PLCB1: variants seen among roughly 807,000 people sequenced by gnomAD.
The protein encoded by PLCB1 is 1-phosphatidylinositol 4,5-bisphosphate phosphodiesterase beta-1.
A neutral mutation model predicts 161.8 loss-of-function variants in PLCB1; 46 were observed. The ratio of observed to expected loss-of-function variants is 0.28; its 90% CI spans 0.22 to 0.36. The LOEUF (loss-of-function observed/expected upper bound fraction) is 0.36, where lower values mean the gene tolerates loss of function less well. Ranked by LOEUF, PLCB1 falls within the 10% of genes least tolerant of loss-of-function variation. The probability of loss-of-function intolerance (pLI) is 1.00; values close to 1 mark genes in which losing one functional copy is unlikely to be tolerated. For missense variants in PLCB1, 1,016 were observed against 1,472.5 expected, an observed-to-expected ratio of 0.69 and a Z score of 5.07; for synonymous variants, 517 against 503.7, an observed-to-expected ratio of 1.03 and a Z score of -0.35.
intron 2 of PLCB1, among the ~76,000 whole-genome samples, chr20:8,210,698 T>C (rs936187677): frequency 2.0e-5 from 3 of 152,082 alleles, no homozygotes; most frequent in Non-Finnish European, 2.9e-5. Flanking sequence ...ATCCTTGGAG[T>C]TGTAGTTTTA....
intron 3 of PLCB1, among the ~76,000 whole-genome samples, chr20:8,399,487 G>A (rs1978450424): frequency 6.6e-6 from 1 of 151,980 alleles, no homozygotes; most frequent in Non-Finnish European, 1.5e-5. Context: ...TGTTCAGTGT[G>A]TCTATTAATG....
intron 2 of PLCB1, among the ~76,000 whole-genome samples, chr20:8,232,223 AAAAG>A (rs1009404821): frequency 6.6e-5 from 9 of 137,060 alleles, no homozygotes; most frequent in Non-Finnish European, 1.1e-4. Flanking sequence ...ATCTCTTTAA[AAAAG>A]AGAGAGAGAG....
chr20:8,229,607 G>C (rs1401996182), intron 2 of PLCB1, among the ~76,000 whole-genome samples: 1 of 152,162 alleles, frequency 6.6e-6, no homozygotes, highest in Admixed American at 6.5e-5. Context: ...GGACATCACA[G>C]ATATGGAACA....
At chr20:8,141,401 A>G (rs967601375) in intron 1 of PLCB1, among the ~76,000 whole-genome samples, 2 of 152,260 alleles carry the variant, frequency 1.3e-5, no homozygotes, top group East Asian at 3.9e-4. Flanking sequence ...AGGCAGGTGG[A>G]TCACTTGAGG....
In PLCB1 at chr20:8,559,092, A is replaced by G. The variant is rs559841431; in HGVS notation, c.247-69202A>G. On this transcript the variant is annotated intron_variant, in intron 3 of 31. Transcript: ENST00000338037. ...GCTTGTAACCCCTCTTTTTTCTCAT[A>G]TGATTTAAAAGACAGATATATCAAA... is the stretch of plus-strand genomic sequence containing the variant. 3.6e-4 allele frequency among the ~76,000 whole-genome samples: 55 copies of G among 152,024 alleles called. 1 individual carries two copies. The highest frequency in any genetic ancestry group is 7.2e-4 in the Admixed American group (11 of 15,242).
intron 3 of PLCB1, among the ~76,000 whole-genome samples, chr20:8,483,651 TTTGAG>T (rs1982600001): frequency 6.6e-6 from 1 of 152,154 alleles, no homozygotes; most frequent in Non-Finnish European, 1.5e-5. Context: ...GGACATTTGA[TTTGAG>T]TTAAGGTTAG....
intron 31 of PLCB1, among the ~76,000 whole-genome samples, chr20:8,807,777 C>T (rs950780091): frequency 8.5e-5 from 13 of 152,052 alleles, no homozygotes; most frequent in South Asian, 2.1e-4. Flanking sequence ...TAGTTATTAA[C>T]CATTTGAAAT....
intron 31 of PLCB1, among the ~76,000 whole-genome samples, chr20:8,840,940 C>T (rs796134320): frequency 2.4e-4 from 37 of 152,196 alleles, no homozygotes; most frequent in African/African-American, 8.9e-4. Flanking sequence ...CCTCAGCCTC[C>T]GGAGTAGCTG....
intron 4 of PLCB1, among the ~76,000 whole-genome samples, chr20:8,645,590 T>C (rs1437929731): frequency 1.3e-5 from 2 of 152,174 alleles, no homozygotes; most frequent in African/African-American, 4.8e-5. Flanking sequence ...ATTGACAGTG[T>C]TGGGAGAAGG....
At position 8,313,679 on chromosome 20, in the gene PLCB1, A is replaced by C. The variant is rs117103365; in HGVS notation, c.178-57703A>C. Among the ~76,000 whole-genome samples, 73 of 152,248 alleles carry C rather than the reference A, an allele frequency of 4.8e-4. No homozygotes were observed. In the East Asian group the frequency reaches 0.011, roughly 22 times the overall value. On this transcript the variant is annotated intron_variant, in intron 2 of 31. Coordinates refer to ENST00000338037, the MANE Select transcript of PLCB1 (RefSeq NM_015192.4). ...CACTAGCTAGAACCCCAAAGCTACAATGTACTTCACATTTTCTCTCTGTTT... is the reference window on the plus strand; with the variant it reads ...CACTAGCTAGAACCCCAAAGCTACACTGTACTTCACATTTTCTCTCTGTTT...
intron 2 of PLCB1, among the ~76,000 whole-genome samples, chr20:8,338,747 G>A (rs1453016552): frequency 6.6e-6 from 1 of 152,082 alleles, no homozygotes; most frequent in Non-Finnish European, 1.5e-5. Context: ...GATTAAGATA[G>A]AACATTTCAT....
At chr20:8,390,015 A>C (rs190490919) in intron 3 of PLCB1, among the ~76,000 whole-genome samples, 71 of 152,288 alleles carry the variant, frequency 4.7e-4, no homozygotes, top group African/African-American at 1.6e-3. Flanking sequence ...TTTCCTACAA[A>C]ATATGCTTGT....
intron 2 of PLCB1, chr20:8,371,135 G>C (rs1986890269): frequency 2.2e-6 from 1 of 447,634 alleles, no homozygotes; most frequent in East Asian, 3.7e-5. Flanking sequence ...ATGGCTTGTA[G>C]GATAGACTGG....
Position 8,519,144 on chromosome 20 carries a change from TCCTGTACTACAGCATG to T in PLCB1, c.247-109147_247-109132del, listed in dbSNP as rs545314232. On this transcript the variant is annotated intron_variant, in intron 3 of 31. Coordinates refer to ENST00000338037, the MANE Select transcript of PLCB1 (RefSeq NM_015192.4). ...GGTCCATGGCTCAGGGGTTGGGGAC[TCCTGTACTACAGCATG>T]CCAGACAAAATGCCCACTGAGGTTG... Among the ~76,000 whole-genome samples, 731 of 152,092 alleles carry T rather than the reference TCCTGTACTACAGCATG, an allele frequency of 4.8e-3. 13 individuals are homozygous for T. Among genetic ancestry groups the T allele is most frequent in the Admixed American group, 0.044 (676 of 15,242 alleles).
At chr20:8,544,975 G>A (rs904625417) in intron 3 of PLCB1, among the ~76,000 whole-genome samples, 1 of 152,176 alleles carries the variant, frequency 6.6e-6, no homozygotes, top group African/African-American at 2.4e-5. Context: ...GCTACTGAGT[G>A]AAGCATGGAA....
At chr20:8,526,581 T>G (rs956501676) in intron 3 of PLCB1, among the ~76,000 whole-genome samples, 2 of 152,118 alleles carry the variant, frequency 1.3e-5, no homozygotes, top group African/African-American at 4.8e-5. Flanking sequence ...ATAAACATTC[T>G]TACTGTCCTC....
intron 9 of PLCB1, among the ~76,000 whole-genome samples, chr20:8,672,873 A>G (rs1220216833): frequency 6.6e-6 from 1 of 151,958 alleles, no homozygotes; most frequent in Non-Finnish European, 1.5e-5. Flanking sequence ...GCACTTTGGG[A>G]GGTTGAGGTG....
chr20:8,200,116 C>T (rs1232506105), intron 2 of PLCB1, among the ~76,000 whole-genome samples: 2 of 152,020 alleles, frequency 1.3e-5, no homozygotes, highest in East Asian at 3.9e-4. Flanking sequence ...TATCTTCTCC[C>T]TCTTGGAAGT....
chr20:8,382,283 CTTT>C (rs71331303), intron 3 of PLCB1, among the ~76,000 whole-genome samples: 5 of 130,548 alleles, frequency 3.8e-5, no homozygotes, highest in Admixed American at 1.6e-4. Context: ...GTTTCTTTTT[CTTT>C]TTTTTTTTTT....
Sources: allele counts gnomAD v4.1 joint callset (sites outside exome capture counted in the v4.1 genomes callset), GRCh38; gene constraint gnomAD v4.1.1; transcripts MANE v1.5; gene names NCBI Gene and HGNC (gene_info 2026-07-23, HGNC 2026-07-21).